Variants in EZH2 observed in about 807,000 individuals in gnomAD.
EZH2 encodes histone-lysine N-methyltransferase EZH2.
A neutral mutation model predicts 98.4 loss-of-function variants in EZH2; 18 were observed. That is an observed-to-expected ratio of 0.18 (90% confidence interval 0.13 to 0.27). The LOEUF (loss-of-function observed/expected upper bound fraction) is 0.27, where lower values mean the gene tolerates loss of function less well. EZH2 is among the 10% of genes least tolerant of loss of function. The pLI, the probability that EZH2 is intolerant of heterozygous loss-of-function variation, is 1.00. For synonymous variants in EZH2, 338 were observed against 312.3 expected (o/e 1.08, Z -0.87); for missense variants, 470 against 935.1 (o/e 0.50, Z 6.49).
intron 2 of EZH2, among the ~76,000 whole-genome samples, chr7:148,846,884 ATT>A (rs1161068583): frequency 1.3e-4 from 12 of 92,374 alleles, no homozygotes; most frequent in East Asian, 6.4e-4. Flanking sequence ...GTGTGTGTGT[ATT>A]TTTTTTTTTA....
chr7:148,819,239 GA>G (rs2129472223), intron 9 of EZH2, among the ~76,000 whole-genome samples: 1 of 152,232 alleles, frequency 6.6e-6, no homozygotes, highest in African/African-American at 2.4e-5. Context: ...ATATGGCTAT[GA>G]GAGGGGCTTG....
At chr7:148,811,230 C>T (rs1404021419) in intron 16 of EZH2, among the ~76,000 whole-genome samples, 1 of 152,224 alleles carries the variant, frequency 6.6e-6, no homozygotes, top group Admixed American at 6.5e-5. Flanking sequence ...CAGCCTCAAC[C>T]TCCCAGGCTC....
At chr7:148,850,943 A>G (rs1334991355) in intron 1 of EZH2, among the ~76,000 whole-genome samples, 1 of 152,214 alleles carries the variant, frequency 6.6e-6, no homozygotes, top group East Asian at 1.9e-4. Flanking sequence ...AAAGTTACGT[A>G]GCTAGAGTCT....
At chr7:148,879,717 A>C (rs1402379191) in intron 1 of EZH2, among the ~76,000 whole-genome samples, 1 of 151,944 alleles carries the variant, frequency 6.6e-6, no homozygotes, top group African/African-American at 2.4e-5. Flanking sequence ...ATAATAAATA[A>C]ATAAATTAGC....
intron 12 of EZH2, 69 bp downstream of exon 12, chr7:148,816,615 C>G (rs1440282677): frequency 8.4e-7 from 1 of 1,193,708 alleles, no homozygotes; most frequent in Admixed American, 1.7e-5. Context: ...AACAACAGCC[C>G]TTAGGAAGGG....
chr7:148,870,062 A>T (rs1819123940), intron 1 of EZH2, among the ~76,000 whole-genome samples: 1 of 152,196 alleles, frequency 6.6e-6, no homozygotes, highest in South Asian at 2.1e-4. Flanking sequence ...TATTTTTCAA[A>T]AAGAATCTTC....
rs150878399 is a variant in EZH2 at position 148,827,933 on chromosome 7, C to T, written c.626-667G>A. ...GAGATAGAGACCATCCTGGCTAACA[C>T]GGTGAAACCCCGTCTCTACTAAAAA... On this transcript the variant is annotated intron_variant, in intron 6 of 19. Coordinates refer to ENST00000320356, the MANE Select transcript of EZH2 (RefSeq NM_004456.5). 4.1e-3 allele frequency among the ~76,000 whole-genome samples: 618 copies of T among 152,228 alleles called. 2 individuals are homozygous for T. The highest frequency in any genetic ancestry group is 0.013 in the African/African-American group (554 of 41,530).
chr7:148,869,736 C>A (rs1006091160), intron 1 of EZH2, among the ~76,000 whole-genome samples: 1 of 152,226 alleles, frequency 6.6e-6, no homozygotes, highest in African/African-American at 2.4e-5. Context: ...TCTCTGCAGG[C>A]ACATACATGG....
chr7:148,814,865 A>G (rs922249256), intron 14 of EZH2, 49 bp downstream of exon 14: 1 of 1,582,070 alleles, frequency 6.3e-7, no homozygotes, highest in African/African-American at 1.4e-5. Context: ...TTGCTAACCA[A>G]AGACCTATTT....
At chr7:148,861,149 T>C (rs1817607973) in intron 1 of EZH2, among the ~76,000 whole-genome samples, 1 of 152,076 alleles carries the variant, frequency 6.6e-6, no homozygotes, top group African/African-American at 2.4e-5. Flanking sequence ...CTTTAAATCA[T>C]CTGGCTCTAG....
intron 3 of EZH2, among the ~76,000 whole-genome samples, chr7:148,841,687 AAT>A (rs1159816915): frequency 6.6e-6 from 1 of 152,202 alleles, no homozygotes; most frequent in Non-Finnish European, 1.5e-5. Flanking sequence ...TTATACATGA[AAT>A]ACACTAGGAT....
At chr7:148,870,538 C>CA (rs925101800) in intron 1 of EZH2, among the ~76,000 whole-genome samples, 13 of 151,600 alleles carry the variant, frequency 8.6e-5, no homozygotes, top group Non-Finnish European at 1.3e-4. Context: ...CCCATCTCTA[C>CA]AAAAAAATAC....
At chr7:148,813,914 A>C (rs542625237) in intron 15 of EZH2, 45 bp downstream of exon 15, 5 of 1,578,854 alleles carry the variant, frequency 3.2e-6, no homozygotes, top group South Asian at 1.2e-5. Flanking sequence ...TGCATCACTA[A>C]ATAGCTAACT....
In EZH2 at chr7:148,809,295, G is replaced by A. The variant is rs533049074; in HGVS notation, c.2110+15C>T. The A allele has an allele frequency of 6.9e-5, 111 of 1,598,958 alleles. No homozygotes were observed. The highest frequency in any genetic ancestry group is 1.5e-4 in the Admixed American group (9 of 59,818). ...CTGAAAAGGGAGTTCCAATTCTCAC[G>A]TCAAAGGTACCTACCTTTTGCATAG... On this transcript the variant is annotated intron_variant, in intron 18 of 19. Coordinates refer to ENST00000320356, the MANE Select transcript of EZH2 (RefSeq NM_004456.5).
At chr7:148,819,752 G>T in intron 8 of EZH2, 65 bp from the exon 9 acceptor site, 1 of 1,410,362 alleles carries the variant, frequency 7.1e-7, no homozygotes, top group Non-Finnish European at 9.9e-7. Flanking sequence ...CACTCTTCCA[G>T]TTCCACTGGA....
chr7:148,861,921 A>G (rs1215416510), intron 1 of EZH2, among the ~76,000 whole-genome samples: 4 of 152,158 alleles, frequency 2.6e-5, no homozygotes, highest in Non-Finnish European at 5.9e-5. Flanking sequence ...ATCTGTTCCA[A>G]TATGTTGTTT....
intron 3 of EZH2, 103 bp downstream of exon 3, chr7:148,846,367 G>C: frequency 7.9e-7 from 1 of 1,270,908 alleles, no homozygotes; most frequent in Non-Finnish European, 1.1e-6. Context: ...TAAAAAGATG[G>C]ACACCCTGAG....
intron 8 of EZH2, among the ~76,000 whole-genome samples, chr7:148,820,013 A>G (rs1293758204): frequency 2.0e-5 from 3 of 152,240 alleles, no homozygotes; most frequent in Non-Finnish European, 4.4e-5. Context: ...TCTCTGTCTA[A>G]GCAGTTGATA....
At chr7:148,830,795 G>A (rs1410303695) in intron 4 of EZH2, among the ~76,000 whole-genome samples, 1 of 152,162 alleles carries the variant, frequency 6.6e-6, no homozygotes, top group East Asian at 1.9e-4. Context: ...GGTAAAGAAA[G>A]TTGACATTCA....
Sources: gnomAD v4.1 joint callset for allele counts (sites outside exome capture counted in the v4.1 genomes callset) on GRCh38, gnomAD v4.1.1 for gene constraint, MANE v1.5 for transcripts, NCBI Gene and HGNC (gene_info 2026-07-23, HGNC 2026-07-21) for gene names.